Variants in KLHL4 observed in about 807,000 individuals in gnomAD.
The protein encoded by KLHL4 is kelch-like protein 4.
Under a neutral mutation model 45.8 loss-of-function variants are expected in KLHL4, and 17 were observed. The observed-to-expected ratio is 0.37, with a 90% CI of 0.25 to 0.56. The LOEUF (loss-of-function observed/expected upper bound fraction) is 0.56, where lower values mean the gene tolerates loss of function less well. Among genes scored for constraint, KLHL4 ranks in the 20% least tolerant of loss-of-function variants. KLHL4 has a pLI of 0.79. For synonymous variants in KLHL4, 224 were observed against 189.9 expected (o/e 1.18, Z -1.47); for missense variants, 544 against 544.9 (o/e 1.00, Z 0.02).
At chrX:87,634,421 G>A (rs892777627) in intron 8 of KLHL4, among the ~76,000 whole-genome samples, 11 of 111,064 alleles carry the variant, frequency 9.9e-5, no homozygotes, top group African/African-American at 3.6e-4. Flanking sequence ...TATCACTTCC[G>A]AGATATTATA....
intron 1 of KLHL4, among the ~76,000 whole-genome samples, chrX:87,546,270 G>C (rs1472730586): frequency 6.3e-5 from 7 of 111,306 alleles, no homozygotes; most frequent in Non-Finnish European, 1.3e-4. Context: ...TGCCGCTTTG[G>C]GTAGCCTGAC....
chrX:87,600,301 G>T (rs920101670), intron 1 of KLHL4, among the ~76,000 whole-genome samples: 1 of 110,369 alleles, frequency 9.1e-6, no homozygotes, highest in East Asian at 2.9e-4. Flanking sequence ...GGCTAACATG[G>T]CGAAACCCCG....
At chrX:87,605,758 T>C (rs1380649993) in intron 1 of KLHL4, among the ~76,000 whole-genome samples, 1 of 111,407 alleles carries the variant, frequency 9.0e-6, no homozygotes. Context: ...GGTCTTCCAG[T>C]GCTATGTGGA....
intron 10 of KLHL4, among the ~76,000 whole-genome samples, chrX:87,665,928 C>A (rs1339565619): frequency 9.0e-6 from 1 of 111,270 alleles, no homozygotes; most frequent in Non-Finnish European, 1.9e-5. Context: ...ATGCTTAGGA[C>A]CAACCAGAAA....
intron 8 of KLHL4, 47 bp from the exon 9 acceptor site, chrX:87,635,516 T>C (rs1376427465): frequency 2.1e-6 from 2 of 973,134 alleles, no homozygotes; most frequent in East Asian, 3.1e-5. Flanking sequence ...TGTGTGTATA[T>C]GTATACACAC....
At chrX:87,578,674 C>A (rs1003321166) in intron 1 of KLHL4, among the ~76,000 whole-genome samples, 1 of 112,520 alleles carries the variant, frequency 8.9e-6, no homozygotes. Flanking sequence ...GAGAGAGACT[C>A]CCTCTGTAAG....
chrX:87,636,039 G>A (rs1291705515), intron 9 of KLHL4, among the ~76,000 whole-genome samples: 1 of 110,894 alleles, frequency 9.0e-6, no homozygotes, highest in Non-Finnish European at 1.9e-5. Context: ...TATTTTTAAT[G>A]GACAGTGTTT....
chrX:87,623,805 G>A (rs1369134991), intron 5 of KLHL4, among the ~76,000 whole-genome samples: 4 of 111,447 alleles, frequency 3.6e-5, no homozygotes, highest in Non-Finnish European at 7.5e-5. Flanking sequence ...TAAATCTTTG[G>A]ATTGACAGAT....
chrX:87,664,990 T>C (rs1409983372), intron 10 of KLHL4, 55 bp downstream of exon 10: 2 of 797,083 alleles, frequency 2.5e-6, no homozygotes, highest in South Asian at 2.9e-5. Context: ...AAAGAAGATA[T>C]TAAATTATAT....
chrX:87,558,515 C>G (rs761646005), intron 1 of KLHL4, among the ~76,000 whole-genome samples: 14 of 111,605 alleles, frequency 1.3e-4, no homozygotes, highest in African/African-American at 4.5e-4. Context: ...GTGATTAAAA[C>G]TACCTCTTAA....
chrX:87,521,648 A>G (rs1931003727), intron 1 of KLHL4, among the ~76,000 whole-genome samples: 1 of 112,044 alleles, frequency 8.9e-6, no homozygotes, highest in African/African-American at 3.2e-5. Flanking sequence ...AAGTGAAAAG[A>G]AGACAGAATG....
intron 1 of KLHL4, among the ~76,000 whole-genome samples, chrX:87,546,711 A>T (rs929708355): frequency 8.9e-6 from 1 of 112,734 alleles, no homozygotes; most frequent in Non-Finnish European, 1.9e-5. Flanking sequence ...AGCAGCCAGG[A>T]CTAAGGGCTG....
At chrX:87,648,602 A>G (rs1602463728) in intron 9 of KLHL4, among the ~76,000 whole-genome samples, 1 of 111,819 alleles carries the variant, frequency 8.9e-6, no homozygotes, top group Non-Finnish European at 1.9e-5. Flanking sequence ...TTGGTCAAAC[A>G]ATGACATAAA....
intron 9 of KLHL4, among the ~76,000 whole-genome samples, chrX:87,640,539 C>G (rs986647744): frequency 1.8e-5 from 2 of 111,821 alleles, no homozygotes; most frequent in African/African-American, 6.5e-5. Context: ...GTTTAACATC[C>G]ACAAGTCAAT....
chrX:87,605,576 G>A (rs1456537993), intron 1 of KLHL4, among the ~76,000 whole-genome samples: 1 of 110,653 alleles, frequency 9.0e-6, no homozygotes, highest in Non-Finnish European at 1.9e-5. Flanking sequence ...TTTTTGTTAC[G>A]TTGACTTTTT....
At chrX:87,664,740 A>G in intron 9 of KLHL4, 24 bp from the exon 10 acceptor site, 1 of 1,136,855 alleles carries the variant, frequency 8.8e-7, no homozygotes, top group Non-Finnish European at 1.2e-6. Context: ...TTTTCCTCCC[A>G]ATTATCTTTC....
chrX:87,653,806 G>A (rs1426028333), intron 9 of KLHL4, among the ~76,000 whole-genome samples: 1 of 111,699 alleles, frequency 9.0e-6, no homozygotes, highest in Non-Finnish European at 1.9e-5. Context: ...GCCATAAAAA[G>A]GAATGAAATC....
Position 87,664,608 on chromosome X carries a change from C to T in KLHL4, c.1926-156C>T, listed in dbSNP as rs193039906. ...CTAGTGGCTGAAGGTAATTTTGTCA[C>T]GTACATATCCTTAATATTATCCAAT... is the stretch of plus-strand genomic sequence containing the variant. On this transcript the variant is annotated intron_variant, in intron 9 of 10. Coordinates refer to ENST00000373119, the MANE Select transcript of KLHL4 (RefSeq NM_019117.5). Among the ~76,000 whole-genome samples the T allele has an allele frequency of 2.2e-4, 25 of 112,035 alleles. No individual in the cohort carries two copies. In the East Asian group the frequency reaches 6.7e-3, roughly 30 times the overall value.
chrX:87,562,347 T>C (rs1435157474), intron 1 of KLHL4, among the ~76,000 whole-genome samples: 1 of 109,923 alleles, frequency 9.1e-6, no homozygotes, highest in Non-Finnish European at 1.9e-5. Flanking sequence ...CTTGATGGCA[T>C]TTATAGACCA....
Sources: allele counts gnomAD v4.1 joint callset (sites outside exome capture counted in the v4.1 genomes callset), GRCh38; gene constraint gnomAD v4.1.1; transcripts MANE v1.5; gene names NCBI Gene and HGNC (gene_info 2026-07-23, HGNC 2026-07-21).